SKI: variants seen among roughly 807,000 people sequenced by gnomAD.
SKI encodes ski oncogene.
In SKI, 23 loss-of-function variants were observed where a neutral mutation model predicts 59.3. The ratio of observed to expected loss-of-function variants is 0.39; its 90% CI spans 0.28 to 0.55. The LOEUF is 0.55. SKI is among the 20% of genes least tolerant of loss of function. The pLI is 0.67. For synonymous variants in SKI, 673 were observed against 488.6 expected (o/e 1.38, Z -4.98); for missense variants, 1,017 against 1,038.9 (o/e 0.98, Z 0.29).
chr1:2,253,825 A>C (rs973839857), intron 1 of SKI, among the ~76,000 whole-genome samples: 10 of 152,132 alleles, frequency 6.6e-5, no homozygotes, highest in Non-Finnish European at 1.5e-5. Flanking sequence ...GAGAGCCCAC[A>C]GTGACAGCAG....
At position 2,308,482 on chromosome 1, in the gene SKI, A is replaced by G. The variant is rs1161017008; in HGVS notation, c.*1717A>G. The G allele has an allele frequency of 6.6e-6, 1 of 152,158 alleles. No homozygotes were observed. The highest frequency in any genetic ancestry group is 1.5e-5 in the Non-Finnish European group (1 of 68,042). The allele number at this position is 152,158 out of a possible 1,614,324, so 9.4% of individuals were successfully genotyped here. ...TTTTCTTTGCGGTTGTTCTGTGTGC[A>G]TGGATTCCACACCTCTGCCGTAGGT... On this transcript the variant is annotated 3_prime_UTR_variant, in exon 7 of 7. Coordinates refer to ENST00000378536, the MANE Select transcript of SKI (RefSeq NM_003036.4).
At chr1:2,283,638 C>T (rs999205467) in intron 1 of SKI, among the ~76,000 whole-genome samples, 1 of 151,750 alleles carries the variant, frequency 6.6e-6, no homozygotes, top group Non-Finnish European at 1.5e-5. Flanking sequence ...CTTTGGGTAC[C>T]ACGAGGGGCC....
chr1:2,291,702 T>C (rs1212694144), intron 1 of SKI, among the ~76,000 whole-genome samples: 1 of 34,006 alleles, frequency 2.9e-5, no homozygotes, highest in Admixed American at 2.5e-4. Context: ...GGCTCTGGCA[T>C]TGTGGGGGGG....
chr1:2,282,502 G>GA lies in SKI; in HGVS notation c.970-20476_970-20475insA, dbSNP rs554045457. On this transcript the variant is annotated intron_variant, in intron 1 of 6. Coordinates refer to ENST00000378536, the MANE Select transcript of SKI (RefSeq NM_003036.4). ...GCGGTGGTGGAGATCTTCAGAGAGA[G>GA]GACGCCTGAGAAGACAGGCAGTGGC... Among the ~76,000 whole-genome samples the GA allele has an allele frequency of 1.3e-3, 169 of 128,166 alleles. 2 individuals are homozygous for GA. Among genetic ancestry groups the GA allele is most frequent in the Middle Eastern group, 4.2e-3 (1 of 240 alleles). The allele number at this position is 128,166 out of a possible 152,430, so 84.1% of individuals were successfully genotyped here. A position where few individuals can be genotyped will look rare whatever the true frequency, so the allele number is the denominator to read the frequency against.
chr1:2,257,550 G>A (rs1283303198), intron 1 of SKI, among the ~76,000 whole-genome samples: 1 of 152,106 alleles, frequency 6.6e-6, no homozygotes, highest in African/African-American at 2.4e-5. Flanking sequence ...GCTTGAGCTC[G>A]AGACAATGCT....
At chr1:2,289,502 TG>T (rs1176916472) in intron 1 of SKI, among the ~76,000 whole-genome samples, 11 of 73,058 alleles carry the variant, frequency 1.5e-4, no homozygotes, top group Admixed American at 5.9e-4. Flanking sequence ...ATCGTGGGGG[TG>T]GGGGGGTGCA....
rs1055448536 is a variant in SKI at position 2,282,465 on chromosome 1, C to T, written c.970-20513C>T. Among the ~76,000 whole-genome samples, 3 of 118,972 alleles carry T rather than the reference C, an allele frequency of 2.5e-5. 1 individual carries two copies. The highest frequency in any genetic ancestry group is 9.6e-5 in the African/African-American group (3 of 31,204). 78.1% of individuals were successfully genotyped at this position (118,972 alleles called of 152,430 possible). On this transcript the variant is annotated intron_variant, in intron 1 of 6. Transcript: ENST00000378536. ...GCGGAGATCTTCAGAGAGAGGACGC[C>T]TGAGAAGACAGGCGGTGGTGGAGAT...
intron 1 of SKI, among the ~76,000 whole-genome samples, chr1:2,245,364 C>T (rs1037225724): frequency 3.9e-5 from 6 of 152,158 alleles, no homozygotes; most frequent in African/African-American, 1.4e-4. Context: ...GTTTAGCTGT[C>T]GTGAATGATG....
chr1:2,236,091 G>A lies in SKI; in HGVS notation c.969+6356G>A, dbSNP rs75203968. ...AGTGCTCTGCCTCGGTGCCTCTGCA[G>A]CTGCAGATGCTGAATCGGGGCGTTT... is the stretch of plus-strand genomic sequence containing the variant. On this transcript the variant is annotated intron_variant, in intron 1 of 6. Coordinates refer to ENST00000378536, the MANE Select transcript of SKI (RefSeq NM_003036.4). 0.016 allele frequency among the ~76,000 whole-genome samples: 2,459 copies of A among 152,342 alleles called. 132 individuals are homozygous for A. In the East Asian group the frequency reaches 0.18, roughly 11 times the overall value.
chr1:2,239,779 T>C (rs1638826810), intron 1 of SKI, among the ~76,000 whole-genome samples: 1 of 152,230 alleles, frequency 6.6e-6, no homozygotes, highest in Non-Finnish European at 1.5e-5. Flanking sequence ...GCTCCGGGGC[T>C]GAGTGAGGCC....
intron 1 of SKI, among the ~76,000 whole-genome samples, chr1:2,285,357 AC>A (rs1326698496): frequency 2.0e-5 from 3 of 152,026 alleles, no homozygotes; most frequent in Non-Finnish European, 4.4e-5. Context: ...TACTGAAAAT[AC>A]AAAAAAATTA....
intron 1 of SKI, among the ~76,000 whole-genome samples, chr1:2,257,043 T>C (rs1639288425): frequency 6.6e-6 from 1 of 152,262 alleles, no homozygotes; most frequent in Non-Finnish European, 1.5e-5. Context: ...AGGATTACTC[T>C]CTGGAGGTCT....
Position 2,271,724 on chromosome 1 carries a change from G to A in SKI, c.970-31254G>A, listed in dbSNP as rs895658102. Among the ~76,000 whole-genome samples, 8 of 151,736 alleles carry A rather than the reference G, an allele frequency of 5.3e-5. No homozygotes were observed. In the South Asian group the frequency reaches 1.5e-3, roughly 28 times the overall value. ...GATTGTGGCCCTGGTCCCCTGGGGG[G>A]GGGTAGGGGGCTTTTGGTGGCCTAA... On this transcript the variant is annotated intron_variant, in intron 1 of 6. Transcript: ENST00000378536.
intron 1 of SKI, among the ~76,000 whole-genome samples, chr1:2,290,535 G>GT (rs1569830634): frequency 7.7e-6 from 1 of 130,200 alleles, no homozygotes; most frequent in African/African-American, 2.6e-5. Context: ...ACAACAGTTG[G>GT]CGGGTGGGCT....
rs531142952 is a variant in SKI, at chr1:2,238,616, C to T, written c.969+8881C>T. On this transcript the variant is annotated intron_variant, in intron 1 of 6. Transcript: ENST00000378536. ...GGTGAGCGTGGGGTCTGGACTCTGACCCCTGGTCCAGGCGGGAGAGGAGCA... is the reference window on the plus strand; with the variant it reads ...GGTGAGCGTGGGGTCTGGACTCTGATCCCTGGTCCAGGCGGGAGAGGAGCA... Among the ~76,000 whole-genome samples the T allele has an allele frequency of 5.3e-5, 8 of 152,320 alleles. No individual in the cohort carries two copies. The South Asian group carries it at 8.3e-4, about 16-fold the overall frequency.
chr1:2,277,365 C>A (rs1240412431), intron 1 of SKI, among the ~76,000 whole-genome samples: 1 of 152,052 alleles, frequency 6.6e-6, no homozygotes, highest in Non-Finnish European at 1.5e-5. Flanking sequence ...TGGGAGGGAC[C>A]CAGGGGAGGC....
chr1:2,233,924 C>T (rs934160155), intron 1 of SKI, among the ~76,000 whole-genome samples: 28 of 152,210 alleles, frequency 1.8e-4, no homozygotes, highest in Non-Finnish European at 5.9e-5. Flanking sequence ...CCCAGACACC[C>T]TCAGGTCCGG....
intron 1 of SKI, among the ~76,000 whole-genome samples, chr1:2,296,633 A>T (rs1640291355): frequency 6.6e-6 from 1 of 151,244 alleles, no homozygotes; most frequent in South Asian, 2.1e-4. Flanking sequence ...CTGGTCCCTT[A>T]CCAGCTACCG....
intron 1 of SKI, among the ~76,000 whole-genome samples, chr1:2,263,987 G>A (rs2100842833): frequency 6.6e-6 from 1 of 151,490 alleles, no homozygotes. Context: ...AACAGCCTGG[G>A]CAACATAGGG....
Sources: gnomAD v4.1 joint callset for allele counts (sites outside exome capture counted in the v4.1 genomes callset) on GRCh38, gnomAD v4.1.1 for gene constraint, MANE v1.5 for transcripts, NCBI Gene and HGNC (gene_info 2026-07-23, HGNC 2026-07-21) for gene names.